PSMD1: variants seen among roughly 807,000 people sequenced by gnomAD.
The protein encoded by PSMD1 is 26S proteasome non-ATPase regulatory subunit 1.
Under a neutral mutation model 119.0 loss-of-function variants are expected in PSMD1, and 18 were observed. The ratio of observed to expected loss-of-function variants is 0.15; its 90% confidence interval spans 0.10 to 0.22. The LOEUF (loss-of-function observed/expected upper bound fraction) is 0.22, where lower values mean the gene tolerates loss of function less well. Ranked by LOEUF, PSMD1 falls within the 10% of genes least tolerant of loss-of-function variation. The pLI, the probability that PSMD1 is intolerant of heterozygous loss-of-function variation, is 1.00. For missense variants in PSMD1, 702 were observed against 1,158.5 expected, an observed-to-expected ratio of 0.61 and a Z score of 5.72; for synonymous variants, 374 against 396.6, an observed-to-expected ratio of 0.94 and a Z score of 0.68.
chr2:231,163,595 A>G (rs1353110348), intron 20 of PSMD1, 40 bp from the exon 21 acceptor site: 2 of 1,475,482 alleles, frequency 1.4e-6, no homozygotes, highest in Non-Finnish European at 1.9e-6. Context: ...GAGAGCACAG[A>G]GTACTTAAAG....
At chr2:231,157,572 A>G (rs1303449430) in intron 19 of PSMD1, among the ~76,000 whole-genome samples, 2 of 147,874 alleles carry the variant, frequency 1.4e-5, no homozygotes, top group Non-Finnish European at 3.0e-5. Flanking sequence ...TTATTACATA[A>G]AAGTTCTTTT....
intron 4 of PSMD1, 87 bp from the exon 5 acceptor site, chr2:231,066,819 G>A (rs1574704214): frequency 3.7e-6 from 4 of 1,079,150 alleles, no homozygotes; most frequent in Admixed American, 3.0e-5. Context: ...CATCCCATAA[G>A]TATATATGAT....
chr2:231,086,857 TC>T (rs1379252053), intron 15 of PSMD1, among the ~76,000 whole-genome samples: 1 of 152,104 alleles, frequency 6.6e-6, no homozygotes, highest in African/African-American at 2.4e-5. Context: ...TGGGAGGATC[TC>T]CTGAGCCCCA....
chr2:231,062,938 G>A (rs755826264), intron 4 of PSMD1, among the ~76,000 whole-genome samples: 12 of 152,142 alleles, frequency 7.9e-5, no homozygotes, highest in Non-Finnish European at 1.5e-4. Flanking sequence ...TGAGTAACAA[G>A]TGGTACCAGT....
chr2:231,163,830 T>C, intron 21 of PSMD1, 103 bp downstream of exon 21: 2 of 806,530 alleles, frequency 2.5e-6, no homozygotes, highest in Non-Finnish European at 3.9e-6. Flanking sequence ...AAGTAACACT[T>C]CTTATGCTAA....
intron 16 of PSMD1, among the ~76,000 whole-genome samples, chr2:231,097,249 AATTACCTATTAC>A (rs913748453): frequency 3.0e-4 from 46 of 152,202 alleles, no homozygotes; most frequent in African/African-American, 1.0e-3. Context: ...CAACAAGAAT[AATTACCTATTAC>A]GGCAGTGAGG....
At chr2:231,131,470 T>G (rs1695851381) in intron 16 of PSMD1, among the ~76,000 whole-genome samples, 1 of 111,656 alleles carries the variant, frequency 9.0e-6, no homozygotes, top group Admixed American at 7.7e-5. Context: ...CTTAGAAAGT[T>G]TTTTTGCCCT....
chr2:231,109,191 G>A (rs761682358), intron 16 of PSMD1: 56 of 1,614,070 alleles, frequency 3.5e-5, no homozygotes, highest in Admixed American at 3.2e-4. Context: ...CATGTTAGGC[G>A]TTGAGGTGGC....
chr2:231,125,728 A>T (rs1695703078), intron 16 of PSMD1, among the ~76,000 whole-genome samples: 1 of 152,220 alleles, frequency 6.6e-6, no homozygotes, highest in Non-Finnish European at 1.5e-5. Context: ...TGGTGTTTAA[A>T]TCTTAATAGT....
At chr2:231,061,781 CTCAA>C (rs1483919948) in intron 2 of PSMD1, among the ~76,000 whole-genome samples, 1 of 152,076 alleles carries the variant, frequency 6.6e-6, no homozygotes, top group Non-Finnish European at 1.5e-5. Flanking sequence ...CCAGGTTGAT[CTCAA>C]ACTCCTGCTC....
At position 231,056,914 on chromosome 2, in the gene PSMD1, C is replaced by G; in HGVS notation, c.-112C>G. 1 of 1,427,118 alleles carries G rather than the reference C, an allele frequency of 7.0e-7. No individual in the cohort carries two copies. Among genetic ancestry groups the G allele is most frequent in the Non-Finnish European group, 9.5e-7 (1 of 1,050,982 alleles). The allele number at this position is 1,427,118 out of a possible 1,614,324, so 88.4% of individuals were successfully genotyped here. On this transcript the variant is annotated 5_prime_UTR_variant, in exon 1 of 25. Transcript: ENST00000308696. ...CGGCCTGAGGAGGCGACTGACTGAG[C>G]AGCGCACCCGGGGAGCAAGGAGGCG...
intron 16 of PSMD1, among the ~76,000 whole-genome samples, chr2:231,117,151 G>A (rs1380832659): frequency 6.6e-6 from 1 of 151,898 alleles, no homozygotes; most frequent in African/African-American, 2.4e-5. Flanking sequence ...GTTTATTTCT[G>A]TTTAGAATAA....
At chr2:231,123,787 T>C (rs976523920) in intron 16 of PSMD1, 3 of 1,557,788 alleles carry the variant, frequency 1.9e-6, no homozygotes, top group East Asian at 2.2e-5. Flanking sequence ...TGTGATTCAA[T>C]CCCGTTCCGA....
chr2:231,164,187 A>G (rs1696704307), intron 21 of PSMD1, among the ~76,000 whole-genome samples: 1 of 152,068 alleles, frequency 6.6e-6, no homozygotes, highest in Non-Finnish European at 1.5e-5. Flanking sequence ...TACACAAGTG[A>G]GCCTGGAATT....
In PSMD1 at chr2:231,080,423, A is replaced by G. The variant is rs58468327; in HGVS notation, c.1413+109A>G. On this transcript the variant is annotated intron_variant, in intron 12 of 24. Coordinates refer to ENST00000308696, the MANE Select transcript of PSMD1 (RefSeq NM_002807.4). ...ATTTTGTAGAATTTGCGAATACCCA[A>G]AACAACTGTCATCTTGGATTTTTTT... The G allele has an allele frequency of 1.1e-3, 993 of 926,236 alleles. 8 individuals carry two copies. In the African/African-American group the frequency reaches 0.016, roughly 15 times the overall value. The allele number at this position is 926,236 out of a possible 1,614,324, so 57.4% of individuals were successfully genotyped here.
intron 16 of PSMD1, among the ~76,000 whole-genome samples, chr2:231,091,996 T>G (rs1694608745): frequency 6.6e-6 from 1 of 152,196 alleles, no homozygotes; most frequent in African/African-American, 2.4e-5. Flanking sequence ...TGTACCCTGC[T>G]CTAAGAGAAG....
intron 9 of PSMD1, 28 bp from the exon 10 acceptor site, chr2:231,078,631 T>C: frequency 6.4e-7 from 1 of 1,567,256 alleles, no homozygotes; most frequent in Non-Finnish European, 8.7e-7. Flanking sequence ...TTGCCAGTGA[T>C]GAAACAATTC....
chr2:231,082,039 A>C (rs1007398836), intron 12 of PSMD1, among the ~76,000 whole-genome samples: 2 of 152,034 alleles, frequency 1.3e-5, no homozygotes, highest in African/African-American at 4.8e-5. Context: ...TCTCACGTTC[A>C]TTTCACAACT....
chr2:231,083,523 T>A, intron 13 of PSMD1, 44 bp from the exon 14 acceptor site: 4 of 1,597,298 alleles, frequency 2.5e-6, no homozygotes, highest in Non-Finnish European at 3.4e-6. Flanking sequence ...TTACTGACTT[T>A]AAAAACATAA....
Sources: gnomAD v4.1 joint callset for allele counts (sites outside exome capture counted in the v4.1 genomes callset) on GRCh38, gnomAD v4.1.1 for gene constraint, MANE v1.5 for transcripts, NCBI Gene and HGNC (gene_info 2026-07-23, HGNC 2026-07-21) for gene names.